The following FSTL4 variants were observed in gnomAD, a reference collection of about 807,000 sequenced individuals.
FSTL4 encodes the protein follistatin-related protein 4.
A neutral mutation model predicts 78.2 loss-of-function variants in FSTL4; 28 were observed. The ratio of observed to expected loss-of-function variants is 0.36; its 90% confidence interval spans 0.27 to 0.49. FSTL4 has a LOEUF of 0.49. FSTL4 is among the 20% of genes least tolerant of loss of function. The pLI is 0.98. For missense variants in FSTL4, 922 were observed against 1,084.9 expected (o/e 0.85, Z 2.11); for synonymous variants, 422 against 440.5 (o/e 0.96, Z 0.53).
intron 4 of FSTL4, among the ~76,000 whole-genome samples, chr5:133,358,719 C>T (rs1178127975): frequency 6.6e-6 from 1 of 151,648 alleles, no homozygotes; most frequent in Non-Finnish European, 1.5e-5. Context: ...CATGCCTCAG[C>T]CTCCTGAGTA....
At chr5:133,539,356 C>G (rs2112916958) in intron 3 of FSTL4, among the ~76,000 whole-genome samples, 1 of 152,186 alleles carries the variant, frequency 6.6e-6, no homozygotes. Context: ...GGATCGAAAT[C>G]AGGTTATCTG....
At position 133,198,322 on chromosome 5, in the gene FSTL4, C is replaced by CA. The variant is rs1750203116; in HGVS notation, c.*772dup. 1 of 152,610 alleles carries CA rather than the reference C, an allele frequency of 6.6e-6. No individual in the cohort carries two copies. Among genetic ancestry groups the CA allele is most frequent in the African/African-American group, 2.4e-5 (1 of 41,502 alleles). The allele number at this position is 152,610 out of a possible 1,614,324, so 9.5% of individuals were successfully genotyped here. On this transcript the variant is annotated 3_prime_UTR_variant, in exon 16 of 16. Transcript: ENST00000265342. ...GTCTGCTCTTGGAGAAGCAGGGTGG[C>CA]AATAGTCGACAGGGCCAGTATTCTC...
chr5:133,329,479 A>G (rs1754293119), intron 4 of FSTL4, among the ~76,000 whole-genome samples: 1 of 152,142 alleles, frequency 6.6e-6, no homozygotes, highest in African/African-American at 2.4e-5. Flanking sequence ...AAGGTCCCAC[A>G]ATAGACTGTC....
the FSTL4 span, among the ~76,000 whole-genome samples, chr5:133,692,599 G>A: frequency 3.3e-5 from 5 of 152,188 alleles, no homozygotes; most frequent in African/African-American, 1.2e-4. Context: ...GGAAGAGGCT[G>A]GGCTGTGGGG....
At chr5:133,822,769 G>A in the FSTL4 span, among the ~76,000 whole-genome samples, 2 of 151,944 alleles carry the variant, frequency 1.3e-5, no homozygotes, top group African/African-American at 2.4e-5. Context: ...TCGGACCCAC[G>A]AACTCTAACG....
intron 13 of FSTL4, among the ~76,000 whole-genome samples, 170 bp from the exon 14 acceptor site, chr5:133,210,468 GCAT>G (rs957050245): frequency 2.0e-4 from 24 of 118,926 alleles, no homozygotes; most frequent in African/African-American, 7.9e-4. Context: ...TTTCTCAGAG[GCAT>G]TATTATTATT....
intron 4 of FSTL4, among the ~76,000 whole-genome samples, chr5:133,321,877 G>C (rs1381172009): frequency 6.6e-6 from 1 of 152,218 alleles, no homozygotes; most frequent in South Asian, 2.1e-4. Flanking sequence ...GGACCCGCAG[G>C]GGACCTGCTT....
the FSTL4 span, among the ~76,000 whole-genome samples, chr5:133,799,657 C>T: frequency 1.0e-3 from 144 of 138,874 alleles, 25 homozygotes; most frequent in African/African-American, 3.6e-3. Context: ...TGGTTGTGTG[C>T]TATCTGCAAA....
At chr5:133,760,148 C>A in the FSTL4 span, among the ~76,000 whole-genome samples, 1 of 152,122 alleles carries the variant, frequency 6.6e-6, no homozygotes, top group African/African-American at 2.4e-5. Context: ...CGTGACTGTA[C>A]CCCAAAGAGG....
chr5:133,456,759 C>T (rs1421429454), intron 3 of FSTL4, among the ~76,000 whole-genome samples: 2 of 152,160 alleles, frequency 1.3e-5, no homozygotes, highest in Admixed American at 6.5e-5. Flanking sequence ...CATAAGCATG[C>T]AATTTTCTTC....
At chr5:133,731,712 C>A in the FSTL4 span, among the ~76,000 whole-genome samples, 2 of 152,130 alleles carry the variant, frequency 1.3e-5, no homozygotes, top group Non-Finnish European at 2.9e-5. Flanking sequence ...GACAGAGGGG[C>A]TGCCGGCCGG....
chr5:133,333,653 C>T (rs962537553), intron 4 of FSTL4, among the ~76,000 whole-genome samples: 3 of 152,210 alleles, frequency 2.0e-5, no homozygotes, highest in Non-Finnish European at 4.4e-5. Context: ...ATTTCCAGGT[C>T]TTTTAACTGA....
intron 6 of FSTL4, among the ~76,000 whole-genome samples, chr5:133,278,783 C>G (rs1752945850): frequency 6.6e-6 from 1 of 152,256 alleles, no homozygotes; most frequent in South Asian, 2.1e-4. Context: ...TTCCTCACAG[C>G]TATGCAGGGG....
intron 7 of FSTL4, among the ~76,000 whole-genome samples, chr5:133,237,621 T>A (rs73788004): frequency 0.033 from 4,980 of 152,264 alleles, 269 homozygotes; most frequent in African/African-American, 0.11. Context: ...ATGATAGGCA[T>A]CATATAATTA....
intron 6 of FSTL4, among the ~76,000 whole-genome samples, chr5:133,281,650 G>A (rs1219002315): frequency 6.6e-6 from 1 of 152,182 alleles, no homozygotes; most frequent in South Asian, 2.1e-4. Flanking sequence ...CAAGCAGACG[G>A]AAGGGGAGTG....
intron 3 of FSTL4, among the ~76,000 whole-genome samples, chr5:133,431,751 G>A (rs1018618057): frequency 6.6e-6 from 1 of 152,168 alleles, no homozygotes; most frequent in Non-Finnish European, 1.5e-5. Context: ...TAAGCTGCTA[G>A]GGTTTGGGGG....
intron 3 of FSTL4, among the ~76,000 whole-genome samples, chr5:133,403,087 G>A (rs1340957682): frequency 1.3e-5 from 2 of 152,248 alleles, no homozygotes; most frequent in East Asian, 3.8e-4. Context: ...CCTAGAAAGT[G>A]CTGGCGCCTA....
At chr5:133,289,276 A>C (rs1012684675) in intron 6 of FSTL4, among the ~76,000 whole-genome samples, 8 of 152,126 alleles carry the variant, frequency 5.3e-5, no homozygotes, top group African/African-American at 1.9e-4. Flanking sequence ...CCCCACTCCT[A>C]ATCCTTCTTC....
the FSTL4 span, among the ~76,000 whole-genome samples, chr5:133,683,630 T>C: frequency 6.6e-6 from 1 of 152,236 alleles, no homozygotes; most frequent in African/African-American, 2.4e-5. Flanking sequence ...ATCATGCTAA[T>C]ACATATTCCT....
Sources: gnomAD v4.1 joint callset for allele counts (sites outside exome capture counted in the v4.1 genomes callset) on GRCh38, gnomAD v4.1.1 for gene constraint, MANE v1.5 for transcripts, NCBI Gene and HGNC (gene_info 2026-07-23, HGNC 2026-07-21) for gene names.